Variants in MEGF11 observed in about 807,000 individuals in gnomAD.
The protein encoded by MEGF11 is multiple epidermal growth factor-like domains protein 11.
A neutral mutation model predicts 146.6 loss-of-function variants in MEGF11; 126 were observed. That is an observed-to-expected ratio of 0.86 (90% CI 0.74 to 1.00). The LOEUF (loss-of-function observed/expected upper bound fraction) is 1.00, where lower values mean the gene tolerates loss of function less well. MEGF11 is among the 50% of genes least tolerant of loss of function. MEGF11 has a pLI of 0.00. For missense variants in MEGF11, 1,509 were observed against 1,521.2 expected (o/e 0.99, Z 0.13); for synonymous variants, 532 against 583.4 (o/e 0.91, Z 1.27).
chr15:66,206,318 AAGG>A lies in MEGF11; in HGVS notation c.-9+47284_-9+47286del, dbSNP rs1167675589. On this transcript the variant is annotated intron_variant, in intron 1 of 25. Transcript: ENST00000395614. ...AAATATATAACATCTGTGTCATCAGAAGGAGAAGAGCAAGAGGAAAAAGAAGAA... is the reference window on the plus strand; with the variant it reads ...AAATATATAACATCTGTGTCATCAGAAGAAGAGCAAGAGGAAAAAGAAGAA... Among the ~76,000 whole-genome samples, 3 of 152,184 alleles carry A rather than the reference AAGG, an allele frequency of 2.0e-5. No individual in the cohort carries two copies. In the East Asian group the frequency reaches 5.8e-4, roughly 29 times the overall value.
At chr15:65,950,372 G>T (rs1253928231) in intron 10 of MEGF11, among the ~76,000 whole-genome samples, 1 of 152,056 alleles carries the variant, frequency 6.6e-6, no homozygotes, top group Non-Finnish European at 1.5e-5. Flanking sequence ...ATCATGAGAG[G>T]CCAGGAATTC....
At position 66,191,759 on chromosome 15, in the gene MEGF11, T is replaced by A. The variant is rs35722900; in HGVS notation, c.-9+61846A>T. Among the ~76,000 whole-genome samples the A allele has an allele frequency of 2.9e-3, 434 of 152,242 alleles. 3 individuals are homozygous for A. The highest frequency in any genetic ancestry group is 6.8e-3 in the Middle Eastern group (2 of 294). On this transcript the variant is annotated intron_variant, in intron 1 of 25. Coordinates refer to ENST00000395614, the MANE Select transcript of MEGF11 (RefSeq NM_001385028.1). ...CAAAGGCCTGGGGGACCCCAGTGGA[T>A]GCCTGGGTTATAATCTTAATAAAAA...
intron 1 of MEGF11, among the ~76,000 whole-genome samples, chr15:66,242,827 A>G (rs1220251167): frequency 6.6e-6 from 1 of 152,120 alleles, no homozygotes; most frequent in African/African-American, 2.4e-5. Context: ...GCCAGAGGGT[A>G]CTCTGCAAGA....
At chr15:65,911,212 A>G (rs1419940498) in intron 21 of MEGF11, among the ~76,000 whole-genome samples, 1 of 152,232 alleles carries the variant, frequency 6.6e-6, no homozygotes, top group East Asian at 1.9e-4. Context: ...AACATTGGCT[A>G]TGGCTGAAGT....
intron 4 of MEGF11, among the ~76,000 whole-genome samples, chr15:66,101,009 A>C: frequency 1.7e-5 from 1 of 59,670 alleles, no homozygotes; most frequent in South Asian, 6.0e-4. Context: ...GTGGATGGGC[A>C]CGTGGGTGGG....
At chr15:66,226,695 G>GA (rs2091860453) in intron 1 of MEGF11, among the ~76,000 whole-genome samples, 1 of 152,006 alleles carries the variant, frequency 6.6e-6, no homozygotes, top group South Asian at 2.1e-4. Flanking sequence ...GTACGTACAG[G>GA]AAAAAACATA....
chr15:66,047,877 G>A (rs78850885), intron 5 of MEGF11, among the ~76,000 whole-genome samples: 1 of 152,130 alleles, frequency 6.6e-6, no homozygotes, highest in African/African-American at 2.4e-5. Context: ...GTCTGAAGTA[G>A]AAGGTGTCAC....
chr15:66,102,778 G>A (rs2086880508), intron 4 of MEGF11, among the ~76,000 whole-genome samples: 1 of 152,106 alleles, frequency 6.6e-6, no homozygotes, highest in African/African-American at 2.4e-5. Flanking sequence ...GAGGGGTCTT[G>A]TCCACCTCCC....
chr15:66,092,420 A>G (rs2086357460), intron 5 of MEGF11, among the ~76,000 whole-genome samples: 2 of 152,196 alleles, frequency 1.3e-5, no homozygotes, highest in Non-Finnish European at 2.9e-5. Flanking sequence ...TCTTCAACCA[A>G]TGAGGGTGGA....
chr15:65,922,111 C>T lies in MEGF11; in HGVS notation c.1957+227G>A, dbSNP rs2079189717. On this transcript the variant is annotated intron_variant, in intron 15 of 25. Transcript: ENST00000395614. ...ATTTGTTTCTGCCACTTGCTAGCTG[C>T]GAAATCACAGACAAATCATTTCACT... 11 of 574,842 alleles carry T rather than the reference C, an allele frequency of 1.9e-5. No homozygotes were observed. In the East Asian group the frequency reaches 1.9e-4, roughly 10 times the overall value. The allele number at this position is 574,842 out of a possible 1,614,324, so 35.6% of individuals were successfully genotyped here.
chr15:65,992,895 C>A (rs1321522273), intron 5 of MEGF11, among the ~76,000 whole-genome samples: 4 of 152,162 alleles, frequency 2.6e-5, no homozygotes, highest in Admixed American at 2.6e-4. Context: ...GATCTCTGGC[C>A]TGTTTCTGAG....
At chr15:66,238,696 C>T (rs1421300226) in intron 1 of MEGF11, among the ~76,000 whole-genome samples, 1 of 152,156 alleles carries the variant, frequency 6.6e-6, no homozygotes, top group African/African-American at 2.4e-5. Flanking sequence ...AGGGTGTCTC[C>T]CCTAGATATC....
intron 5 of MEGF11, among the ~76,000 whole-genome samples, chr15:66,066,644 C>CG (rs2085137156): frequency 6.6e-6 from 1 of 152,200 alleles, no homozygotes; most frequent in African/African-American, 2.4e-5. Flanking sequence ...CCAAGCTCCA[C>CG]GGCTGCGAGT....
chr15:65,977,493 T>C (rs1352024114), intron 7 of MEGF11, among the ~76,000 whole-genome samples: 1 of 150,298 alleles, frequency 6.7e-6, no homozygotes, highest in Admixed American at 6.6e-5. Context: ...TTTTTTTTTT[T>C]TTTTGAGATG....
chr15:66,079,547 C>A (rs1466935246), intron 5 of MEGF11, among the ~76,000 whole-genome samples: 4 of 150,364 alleles, frequency 2.7e-5, no homozygotes, highest in Admixed American at 1.3e-4. Flanking sequence ...ACCCCCCCCC[C>A]CAGCACCCCC....
At chr15:66,229,782 C>T (rs537720575) in intron 1 of MEGF11, among the ~76,000 whole-genome samples, 2 of 152,164 alleles carry the variant, frequency 1.3e-5, no homozygotes, top group African/African-American at 2.4e-5. Flanking sequence ...GGTGGAGGCC[C>T]CAGGACAAGG....
At chr15:66,026,064 G>A (rs969765994) in intron 5 of MEGF11, among the ~76,000 whole-genome samples, 2 of 152,178 alleles carry the variant, frequency 1.3e-5, no homozygotes, top group African/African-American at 4.8e-5. Context: ...CCAAGGCCCC[G>A]CTCCAGATTG....
chr15:66,011,076 C>A (rs2082696857), intron 5 of MEGF11, among the ~76,000 whole-genome samples: 1 of 152,154 alleles, frequency 6.6e-6, no homozygotes, highest in African/African-American at 2.4e-5. Flanking sequence ...CAGGTGGTGA[C>A]CATCCCAGAG....
In MEGF11 at chr15:66,075,235, T is replaced by A. The variant is rs184822700; in HGVS notation, c.394+19167A>T. The stretch of plus-strand genomic sequence containing the variant: ...CTGAATATATCAGGCCCCTAATAAA[T>A]GTTTGGTGACTGTAACATACTCACT... On this transcript the variant is annotated intron_variant, in intron 5 of 25. Coordinates refer to ENST00000395614, the MANE Select transcript of MEGF11 (RefSeq NM_001385028.1). Among the ~76,000 whole-genome samples, 282 of 152,276 alleles carry A rather than the reference T, an allele frequency of 1.9e-3. 2 individuals are homozygous for A. The highest frequency in any genetic ancestry group is 6.5e-3 in the African/African-American group (271 of 41,556).
Sources: gnomAD v4.1 joint callset for allele counts (sites outside exome capture counted in the v4.1 genomes callset) on GRCh38, gnomAD v4.1.1 for gene constraint, MANE v1.5 for transcripts, NCBI Gene and HGNC (gene_info 2026-07-23, HGNC 2026-07-21) for gene names.